The following BLK variants were observed in gnomAD, a reference collection of about 807,000 sequenced individuals.
BLK encodes tyrosine-protein kinase Blk.
BLK carries 64 observed loss-of-function variants against 61.8 expected under a neutral mutation model. The ratio of observed to expected loss-of-function variants is 1.03; its 90% CI spans 0.85 to 1.27. The LOEUF is 1.27. Among genes scored for constraint, BLK ranks in the 50% most tolerant of loss-of-function variants. BLK has a pLI of 0.00. For missense variants in BLK, 853 were observed against 660.5 expected (o/e 1.29, Z -3.19); for synonymous variants, 351 against 272.0 (o/e 1.29, Z -2.86).
chr8:11,501,221 AATTTT>A (rs1798548292), intron 1 of BLK, among the ~76,000 whole-genome samples: 1 of 152,180 alleles, frequency 6.6e-6, no homozygotes, highest in African/African-American at 2.4e-5. Context: ...TGATACTTTT[AATTTT>A]ATTTACTATT....
At chr8:11,505,551 A>C (rs1413297844) in intron 1 of BLK, among the ~76,000 whole-genome samples, 5 of 152,080 alleles carry the variant, frequency 3.3e-5, no homozygotes, top group African/African-American at 2.4e-5. Flanking sequence ...CCCAAGCTCC[A>C]TTGCTTTCGT....
At chr8:11,539,715 A>G (rs1800290383) in intron 1 of BLK, among the ~76,000 whole-genome samples, 1 of 152,244 alleles carries the variant, frequency 6.6e-6, no homozygotes, top group South Asian at 2.1e-4. Flanking sequence ...TGGTTTAGCA[A>G]TTTGGATTCA....
chr8:11,516,778 A>G lies in BLK; in HGVS notation c.-2+22187A>G, dbSNP rs55903839. Among the ~76,000 whole-genome samples, 368 of 152,330 alleles carry G rather than the reference A, an allele frequency of 2.4e-3. 2 individuals are homozygous for G. The highest frequency in any genetic ancestry group is 6.8e-3 in the Middle Eastern group (2 of 294). On this transcript the variant is annotated intron_variant, in intron 1 of 12. Coordinates refer to ENST00000259089, the MANE Select transcript of BLK (RefSeq NM_001715.3). ...TGCCAGAATTTCCTTCCTTTGTAAG[A>G]CTGGATTCCATTGTACATATAGCCC...
chr8:11,514,676 G>A (rs1425074192), intron 1 of BLK, among the ~76,000 whole-genome samples: 1 of 152,176 alleles, frequency 6.6e-6, no homozygotes, highest in African/African-American at 2.4e-5. Context: ...CCGTGAGCCT[G>A]CTTTCTGGAC....
At chr8:11,507,272 C>G (rs141281361) in intron 1 of BLK, among the ~76,000 whole-genome samples, 1 of 152,148 alleles carries the variant, frequency 6.6e-6, no homozygotes, top group Non-Finnish European at 1.5e-5. Context: ...ATTGGAAGGA[C>G]GATGGACTAG....
intron 6 of BLK, chr8:11,554,320 C>G (rs927485660): frequency 3.9e-6 from 1 of 257,160 alleles, no homozygotes; most frequent in Non-Finnish European, 7.6e-6. Context: ...CTGTGAATGG[C>G]TATCTGCTTG....
In BLK at chr8:11,505,918, A is replaced by G. The variant is rs527987108; in HGVS notation, c.-2+11327A>G. On this transcript the variant is annotated intron_variant, in intron 1 of 12. Coordinates refer to ENST00000259089, the MANE Select transcript of BLK (RefSeq NM_001715.3). Reference sequence around the variant, plus strand: ...TGCCCATCTCCTTCAGAGAGCTTCTATGTATCCTTGGAGGTCCAGTCCTAA... The same window carrying G: ...TGCCCATCTCCTTCAGAGAGCTTCTGTGTATCCTTGGAGGTCCAGTCCTAA... 3.3e-5 allele frequency among the ~76,000 whole-genome samples: 5 copies of G among 152,276 alleles called. No individual in the cohort carries two copies. In the South Asian group the frequency reaches 6.2e-4, roughly 19 times the overall value.
chr8:11,558,732 A>G (rs1300617569), intron 10 of BLK: 1 of 456,274 alleles, frequency 2.2e-6, no homozygotes, highest in Admixed American at 2.3e-5. Context: ...GCTGGCAGGA[A>G]GCACATCTGG....
At chr8:11,497,088 G>C (rs533975103) in intron 1 of BLK, among the ~76,000 whole-genome samples, 1 of 152,248 alleles carries the variant, frequency 6.6e-6, no homozygotes, top group African/African-American at 2.4e-5. Flanking sequence ...AGGTGATGCT[G>C]CGCCTGATTA....
intron 1 of BLK, among the ~76,000 whole-genome samples, chr8:11,539,071 G>A (rs1362791405): frequency 2.0e-5 from 3 of 151,794 alleles, no homozygotes; most frequent in Non-Finnish European, 2.9e-5. Context: ...TTTTAAGTCC[G>A]CTGGTTTTTT....
At chr8:11,498,937 T>A (rs542492916) in intron 1 of BLK, among the ~76,000 whole-genome samples, 1 of 152,326 alleles carries the variant, frequency 6.6e-6, no homozygotes, top group South Asian at 2.1e-4. Flanking sequence ...AAAAGACACA[T>A]CTTACATGAC....
intron 2 of BLK, among the ~76,000 whole-genome samples, chr8:11,543,638 T>A (rs1800490832): frequency 6.6e-6 from 1 of 152,180 alleles, no homozygotes; most frequent in South Asian, 2.1e-4. Flanking sequence ...GGTATCTAGC[T>A]GCAGCTACTA....
intron 1 of BLK, among the ~76,000 whole-genome samples, chr8:11,530,373 G>A (rs925478046): frequency 1.3e-5 from 2 of 152,196 alleles, no homozygotes; most frequent in Non-Finnish European, 1.5e-5. Context: ...TACAGGACAA[G>A]GTAGGAGGTC....
intron 1 of BLK, among the ~76,000 whole-genome samples, chr8:11,536,108 G>C (rs62489136): frequency 0.14 from 20,825 of 152,230 alleles, 1,643 homozygotes; most frequent in East Asian, 0.26. Flanking sequence ...TCAATGGCTG[G>C]ATGGTTAGAT....
At chr8:11,549,928 C>A (rs765848114) in intron 5 of BLK, 1 of 565,490 alleles carries the variant, frequency 1.8e-6, no homozygotes, top group Non-Finnish European at 3.2e-6. Flanking sequence ...GTTCTTGTTT[C>A]GTTCTAGGAA....
intron 1 of BLK, among the ~76,000 whole-genome samples, chr8:11,499,690 C>A (rs1798484561): frequency 6.6e-6 from 1 of 152,180 alleles, no homozygotes; most frequent in South Asian, 2.1e-4. Flanking sequence ...GAAATCCATG[C>A]CTCTCTGGAG....
intron 1 of BLK, among the ~76,000 whole-genome samples, chr8:11,527,717 T>C (rs1374270011): frequency 1.3e-5 from 2 of 151,048 alleles, no homozygotes; most frequent in Non-Finnish European, 2.9e-5. Flanking sequence ...ACAAGTTGAG[T>C]CATGAGTTTT....
At chr8:11,518,248 G>A (rs981225034) in intron 1 of BLK, among the ~76,000 whole-genome samples, 7 of 152,216 alleles carry the variant, frequency 4.6e-5, no homozygotes, top group Non-Finnish European at 2.9e-5. Flanking sequence ...CAGCTGAGAC[G>A]AAGCACCAGA....
intron 11 of BLK, among the ~76,000 whole-genome samples, chr8:11,561,994 T>A (rs576821668): frequency 2.0e-5 from 3 of 152,260 alleles, no homozygotes; most frequent in East Asian, 1.9e-4. Context: ...AATTTTTGTA[T>A]GTTTAGTAGA....
Sources: gnomAD v4.1 joint callset for allele counts (sites outside exome capture counted in the v4.1 genomes callset) on GRCh38, gnomAD v4.1.1 for gene constraint, MANE v1.5 for transcripts, NCBI Gene and HGNC (gene_info 2026-07-23, HGNC 2026-07-21) for gene names.